Variants in GABRA3 observed in about 807,000 individuals in gnomAD.
GABRA3 encodes gamma-aminobutyric acid receptor subunit alpha-3.
A neutral mutation model predicts 30.1 loss-of-function variants in GABRA3; 10 were observed. That is an observed-to-expected ratio of 0.33 (90% CI 0.20 to 0.56). The LOEUF is 0.56. Among genes scored for constraint, GABRA3 ranks in the 20% least tolerant of loss-of-function variants. GABRA3 has a pLI of 0.89. For missense variants in GABRA3, 233 were observed against 392.0 expected (o/e 0.59, Z 3.42); for synonymous variants, 151 against 146.8 (o/e 1.03, Z -0.21).
intron 5 of GABRA3, among the ~76,000 whole-genome samples, chrX:152,247,795 A>C (rs959062160): frequency 2.7e-5 from 3 of 111,418 alleles, no homozygotes; most frequent in Non-Finnish European, 5.7e-5. Context: ...ACACATGAAC[A>C]TTGCTGTGAG....
intron 4 of GABRA3, among the ~76,000 whole-genome samples, chrX:152,265,848 T>G (rs775195459): frequency 2.7e-5 from 3 of 111,320 alleles, no homozygotes; most frequent in Non-Finnish European, 5.7e-5. Flanking sequence ...TATTGGCTAC[T>G]GAGAGCAACT....
chrX:152,373,343 C>T (rs1457862670), intron 1 of GABRA3, among the ~76,000 whole-genome samples: 3 of 111,380 alleles, frequency 2.7e-5, no homozygotes, highest in Non-Finnish European at 3.8e-5. Flanking sequence ...GTGCAATGAA[C>T]ATACACGTGT....
chrX:152,295,329 G>T (rs1417848688), intron 3 of GABRA3, among the ~76,000 whole-genome samples: 2 of 112,627 alleles, frequency 1.8e-5, no homozygotes, highest in Non-Finnish European at 3.8e-5. Flanking sequence ...AGCTGGCCTT[G>T]CTGAGCTGTG....
At chrX:152,291,088 C>G (rs759354091) in intron 3 of GABRA3, among the ~76,000 whole-genome samples, 40 of 111,628 alleles carry the variant, frequency 3.6e-4, no homozygotes, top group African/African-American at 1.3e-3. Context: ...GGCATTGAAT[C>G]TATAAATTAC....
At chrX:152,277,507 T>A (rs1482068125) in intron 4 of GABRA3, among the ~76,000 whole-genome samples, 1 of 111,285 alleles carries the variant, frequency 9.0e-6, no homozygotes, top group African/African-American at 3.3e-5. Flanking sequence ...CCATAGGAAA[T>A]TTTCTCTACA....
intron 3 of GABRA3, among the ~76,000 whole-genome samples, chrX:152,300,029 AC>A (rs1485053965): frequency 8.9e-6 from 1 of 112,119 alleles, no homozygotes; most frequent in Non-Finnish European, 1.9e-5. Context: ...AAGATGTTCT[AC>A]TAATTTCTGT....
intron 1 of GABRA3, among the ~76,000 whole-genome samples, chrX:152,410,322 T>C (rs1398220204): frequency 9.0e-6 from 1 of 111,261 alleles, no homozygotes; most frequent in Non-Finnish European, 1.9e-5. Context: ...AGAGTGAATA[T>C]AGTTAACAAT....
intron 3 of GABRA3, among the ~76,000 whole-genome samples, chrX:152,289,916 A>G (rs944450434): frequency 5.6e-4 from 63 of 111,984 alleles, no homozygotes; most frequent in African/African-American, 2.0e-3. Flanking sequence ...CCAGTCTATC[A>G]TTGGTGGACA....
At chrX:152,296,739 G>A (rs1379014188) in intron 3 of GABRA3, among the ~76,000 whole-genome samples, 6 of 102,511 alleles carry the variant, frequency 5.9e-5, no homozygotes, top group Non-Finnish European at 9.9e-5. Flanking sequence ...TCACACAGTT[G>A]CCCAGGCTGG....
chrX:152,271,306 G>A (rs1938932567), intron 4 of GABRA3, among the ~76,000 whole-genome samples: 2 of 111,764 alleles, frequency 1.8e-5, no homozygotes, highest in South Asian at 7.5e-4. Context: ...TGCTGATGAT[G>A]ATATGGACAA....
chrX:152,446,138 T>C (rs1160614549), intron 1 of GABRA3, among the ~76,000 whole-genome samples: 1 of 112,109 alleles, frequency 8.9e-6, no homozygotes, highest in African/African-American at 3.2e-5. Flanking sequence ...CCAACTGAAG[T>C]GTTGGTAGGC....
At chrX:152,282,255 C>T (rs145968561) in intron 4 of GABRA3, among the ~76,000 whole-genome samples, 350 of 111,236 alleles carry the variant, frequency 3.1e-3, no homozygotes, top group Non-Finnish European at 5.0e-3. Flanking sequence ...GAGCCAAGAA[C>T]CCAGGCAGCC....
intron 2 of GABRA3, among the ~76,000 whole-genome samples, chrX:152,359,226 A>G (rs1420318562): frequency 1.8e-5 from 2 of 111,381 alleles, no homozygotes; most frequent in Non-Finnish European, 3.8e-5. Flanking sequence ...TTACTGATTC[A>G]ATTTTGGAAC....
chrX:152,220,166 C>T (rs1311145693), intron 6 of GABRA3, among the ~76,000 whole-genome samples: 2 of 111,280 alleles, frequency 1.8e-5, no homozygotes, highest in Non-Finnish European at 3.8e-5. Context: ...TTATAAAATA[C>T]CTAGGAATTC....
In GABRA3 at chrX:152,447,553, T is replaced by C. The variant is rs1004897282; in HGVS notation, c.-27+3593A>G. Among the ~76,000 whole-genome samples, 14 of 112,211 alleles carry C rather than the reference T, an allele frequency of 1.2e-4. No individual in the cohort carries two copies. The Admixed American group carries it at 1.3e-3, about 11-fold the overall frequency. On this transcript the variant is annotated intron_variant, in intron 1 of 9. Transcript: ENST00000370314. The stretch of plus-strand genomic sequence containing the variant: ...AACATCTGTTAAGCCTCCTACTCTA[T>C]GTCATATACTAGGCTAATGGCTAAC...
At chrX:152,285,714 G>A (rs1011408703) in intron 3 of GABRA3, among the ~76,000 whole-genome samples, 3 of 110,355 alleles carry the variant, frequency 2.7e-5, no homozygotes, top group African/African-American at 9.9e-5. Flanking sequence ...GCACCAGCAG[G>A]TTCAGTGTCT....
At chrX:152,235,499 C>A (rs1340284742) in intron 5 of GABRA3, among the ~76,000 whole-genome samples, 3 of 111,183 alleles carry the variant, frequency 2.7e-5, no homozygotes, top group Non-Finnish European at 3.8e-5. Context: ...AAGACCCCAA[C>A]AAACAATTGT....
intron 3 of GABRA3, among the ~76,000 whole-genome samples, chrX:152,295,459 C>T (rs144606283): frequency 0.011 from 1,223 of 113,044 alleles, 11 homozygotes; most frequent in Middle Eastern, 0.023. Flanking sequence ...CAGACTGCTG[C>T]GCTAGCAGTG....
intron 9 of GABRA3, among the ~76,000 whole-genome samples, chrX:152,178,866 T>C (rs1937108338): frequency 8.9e-6 from 1 of 111,926 alleles, no homozygotes; most frequent in African/African-American, 3.2e-5. Flanking sequence ...TAGTAATACT[T>C]CTAATAGTTA....
Sources: allele counts gnomAD v4.1 joint callset (sites outside exome capture counted in the v4.1 genomes callset), GRCh38; gene constraint gnomAD v4.1.1; transcripts MANE v1.5; gene names NCBI Gene and HGNC (gene_info 2026-07-23, HGNC 2026-07-21).